KIRREL3: variants seen among roughly 807,000 people sequenced by gnomAD.
KIRREL3 encodes kirre like nephrin family adhesion molecule 3, also known as kin of IRRE-like protein 3.
Under a neutral mutation model 89.7 loss-of-function variants are expected in KIRREL3, and 36 were observed. That is an observed-to-expected ratio of 0.40 (90% CI 0.31 to 0.53). The LOEUF (loss-of-function observed/expected upper bound fraction) is 0.53, where lower values mean the gene tolerates loss of function less well. KIRREL3 is among the 20% of genes least tolerant of loss of function. The pLI is 0.49. For missense variants in KIRREL3, 864 were observed against 1,056.6 expected, an observed-to-expected ratio of 0.82 and a Z score of 2.53; for synonymous variants, 445 against 441.4, an observed-to-expected ratio of 1.01 and a Z score of -0.10.
rs972749710 is a variant in KIRREL3 at position 126,776,104 on chromosome 11, G to A, written c.56-213192C>T. 3.9e-5 allele frequency among the ~76,000 whole-genome samples: 6 copies of A among 152,174 alleles called. No homozygotes were observed. Among genetic ancestry groups the A allele is most frequent in the South Asian group, 2.1e-4 (1 of 4,830 alleles). ...GCCTGGGGATTGTGGGGTGACCTTC[G>A]CTGCAGGGGATCCCTGAGTTTCTGC... On this transcript the variant is annotated intron_variant, in intron 1 of 16. Coordinates refer to ENST00000525144, the MANE Select transcript of KIRREL3 (RefSeq NM_032531.4). This position sits in a 1 kb window ranked among gnomAD's most constrained non-coding sequence, Gnocchi z 4.7.
chr11:126,791,114 A>G lies in KIRREL3; in HGVS notation c.55+209341T>C, dbSNP rs1399106120. Among the ~76,000 whole-genome samples the G allele has an allele frequency of 6.6e-6, 1 of 152,174 alleles. No homozygotes were observed. Among genetic ancestry groups the G allele is most frequent in the Non-Finnish European group, 1.5e-5 (1 of 68,028 alleles). ...TTTTTCTACCGTTAGGACAGGAAGG[A>G]AAAACCATCTTTGGTAACAAAAGAT... On this transcript the variant is annotated intron_variant, in intron 1 of 16. Coordinates refer to ENST00000525144, the MANE Select transcript of KIRREL3 (RefSeq NM_032531.4). This position sits in a 1 kb window ranked among gnomAD's most constrained non-coding sequence, Gnocchi z 4.8.
intron 1 of KIRREL3, among the ~76,000 whole-genome samples, chr11:126,588,895 G>T (rs1941999940): frequency 6.6e-6 from 1 of 152,112 alleles, no homozygotes; most frequent in African/African-American, 2.4e-5. Flanking sequence ...TGGCGGTGGT[G>T]GGGGGACCAG....
rs1811789224 is a variant in KIRREL3, at chr11:126,931,615, A to G, written c.55+68840T>C. Among the ~76,000 whole-genome samples, 1 of 152,242 alleles carries G rather than the reference A, an allele frequency of 6.6e-6. No individual in the cohort carries two copies. Among genetic ancestry groups the G allele is most frequent in the Non-Finnish European group, 1.5e-5 (1 of 68,056 alleles). ...TGTCCAAATCTACTTTCTAGTAGCAAGTATAAGAATGAGGATTCCAAGTCC... is the reference window on the plus strand; with the variant it reads ...TGTCCAAATCTACTTTCTAGTAGCAGGTATAAGAATGAGGATTCCAAGTCC... On this transcript the variant is annotated intron_variant, in intron 1 of 16. Transcript: ENST00000525144. The surrounding 1 kb of genome is among the most constrained non-coding windows in gnomAD (Gnocchi z 5.1).
At chr11:126,503,316 G>A (rs944086436) in intron 4 of KIRREL3, among the ~76,000 whole-genome samples, 1 of 152,104 alleles carries the variant, frequency 6.6e-6, no homozygotes, top group Admixed American at 6.5e-5. Flanking sequence ...GGTGGATGTG[G>A]GCACTCGGGT....
intron 1 of KIRREL3, among the ~76,000 whole-genome samples, chr11:126,881,320 T>C (rs1945484471): frequency 6.6e-6 from 1 of 152,124 alleles, no homozygotes; most frequent in Non-Finnish European, 1.5e-5. Flanking sequence ...CCACGTTCCT[T>C]CAGATCAGTG....
rs1945926685 is a variant in KIRREL3, at chr11:126,891,631, G to A, written c.55+108824C>T. On this transcript the variant is annotated intron_variant, in intron 1 of 16. Transcript: ENST00000525144. This position sits in a 1 kb window ranked among gnomAD's most constrained non-coding sequence, Gnocchi z 5.1. ...GAAGCCAGTCTCAGGGAAGCCAGTG[G>A]CCTGACAGTTAAGGCAAATGCACAG... 6.6e-6 allele frequency among the ~76,000 whole-genome samples: 1 copy of A among 152,230 alleles called. No homozygotes were observed. The highest frequency in any genetic ancestry group is 1.5e-5 in the Non-Finnish European group (1 of 68,038).
chr11:126,950,659 C>T (rs914867210), intron 1 of KIRREL3, among the ~76,000 whole-genome samples: 1 of 152,214 alleles, frequency 6.6e-6, no homozygotes, highest in Non-Finnish European at 1.5e-5. Flanking sequence ...AATGTGGATG[C>T]CTTCACCAAC....
Position 126,954,168 on chromosome 11 carries a change from G to T in KIRREL3, c.55+46287C>A, listed in dbSNP as rs1948854783. 6.6e-6 allele frequency among the ~76,000 whole-genome samples: 1 copy of T among 151,616 alleles called. No individual in the cohort carries two copies. The highest frequency in any genetic ancestry group is 2.4e-5 in the African/African-American group (1 of 41,228). On this transcript the variant is annotated intron_variant, in intron 1 of 16. Coordinates refer to ENST00000525144, the MANE Select transcript of KIRREL3 (RefSeq NM_032531.4). This position sits in a 1 kb window ranked among gnomAD's most constrained non-coding sequence, Gnocchi z 4.1. ...TGGGGGGTGGTATTGAGGTATTGAG[G>T]TCATCACTTATAGGTAAGTACTGGA...
chr11:126,923,108 C>A (rs1947425887), intron 1 of KIRREL3, among the ~76,000 whole-genome samples: 1 of 68,720 alleles, frequency 1.5e-5, no homozygotes, highest in Non-Finnish European at 2.9e-5. Context: ...TCTTCTCCTT[C>A]TCCTTCTCCT....
rs1950057895 is a variant in KIRREL3, at chr11:126,772,795, C to T, written c.56-209883G>A. 6.6e-6 allele frequency among the ~76,000 whole-genome samples: 1 copy of T among 152,182 alleles called. No individual in the cohort carries two copies. ...TTCCTCCTGCCCTGAGGAGTTTCTT[C>T]CTCTGATTCCTTGGTTTTGAGCCTT... On this transcript the variant is annotated intron_variant, in intron 1 of 16. Transcript: ENST00000525144. The surrounding 1 kb of genome is among the most constrained non-coding windows in gnomAD (Gnocchi z 4.6).
chr11:126,692,176 T>G (rs1946901598), intron 1 of KIRREL3, among the ~76,000 whole-genome samples: 1 of 152,064 alleles, frequency 6.6e-6, no homozygotes, highest in Admixed American at 6.5e-5. Context: ...TGAGTAGACA[T>G]CCAGAAACAT....
At chr11:126,863,412 TGTGTGA>T (rs749978542) in intron 1 of KIRREL3, among the ~76,000 whole-genome samples, 26,878 of 69,198 alleles carry the variant, frequency 0.39, 3,623 homozygotes, top group East Asian at 0.63. Context: ...CGTGAGTGCG[TGTGTGA>T]GCGCATGTGT....
In KIRREL3 at chr11:126,521,427, T is replaced by G; in HGVS notation, c.321A>C (p.Ser107=). 1 of 1,578,820 alleles carries G rather than the reference T, an allele frequency of 6.3e-7. No homozygotes were observed. Among genetic ancestry groups the G allele is most frequent in the Non-Finnish European group, 8.6e-7 (1 of 1,162,126 alleles). ...PQYLVVGNHL[S]GEHHLKILRA... ...TCAGGATCTTCAGGTGGTGCTCCCC[T>G]GACAGGTGGTTCCCTACCACCAGGT... The change falls in exon 4 of 17, where the codon TCA becomes TCC. Residue 107 remains serine, a synonymous_variant. Coordinates refer to ENST00000525144, the MANE Select transcript of KIRREL3 (RefSeq NM_032531.4). The surrounding 1 kb of genome is among the most constrained non-coding windows in gnomAD (Gnocchi z 4.1).
chr11:126,857,385 G>A (rs1019946343), intron 1 of KIRREL3, among the ~76,000 whole-genome samples: 3 of 152,246 alleles, frequency 2.0e-5, no homozygotes, highest in African/African-American at 7.2e-5. Flanking sequence ...GCCAATGATT[G>A]CTGTGGGAGG....
intron 1 of KIRREL3, among the ~76,000 whole-genome samples, chr11:126,746,861 C>A (rs964635732): frequency 2.0e-5 from 3 of 152,202 alleles, no homozygotes; most frequent in African/African-American, 7.2e-5. Flanking sequence ...TCACATCCTG[C>A]AGTCCCTCCC....
intron 4 of KIRREL3, among the ~76,000 whole-genome samples, chr11:126,483,651 C>G (rs77778204): frequency 0.036 from 5,459 of 152,346 alleles, 118 homozygotes; most frequent in Non-Finnish European, 0.053. Flanking sequence ...AATTCCTCAT[C>G]ATGGGGGCCT....
In KIRREL3 at chr11:126,755,618, T is replaced by G. The variant is rs1201500842; in HGVS notation, c.56-192706A>C. On this transcript the variant is annotated intron_variant, in intron 1 of 16. Transcript: ENST00000525144. The surrounding 1 kb of genome is among the most constrained non-coding windows in gnomAD (Gnocchi z 4.3). The stretch of plus-strand genomic sequence containing the variant: ...ATAGGAAAGGTCTGCGTGCTGACAC[T>G]CTCAACTTCCCTGAGTGCCTGTACA... Among the ~76,000 whole-genome samples the G allele has an allele frequency of 6.6e-6, 1 of 152,008 alleles. No individual in the cohort carries two copies. The highest frequency in any genetic ancestry group is 1.5e-5 in the Non-Finnish European group (1 of 68,012).
At chr11:126,947,497 G>T (rs1191920901) in intron 1 of KIRREL3, among the ~76,000 whole-genome samples, 2 of 152,154 alleles carry the variant, frequency 1.3e-5, no homozygotes, top group Non-Finnish European at 2.9e-5. Flanking sequence ...TTAGAAACTG[G>T]ACAGCCCCTT....
intron 1 of KIRREL3, among the ~76,000 whole-genome samples, chr11:126,604,154 T>C (rs183568435): frequency 2.7e-3 from 414 of 152,326 alleles, no homozygotes; most frequent in Middle Eastern, 6.8e-3. Flanking sequence ...AAATCAAAGA[T>C]GAATAAGCAA....
Sources: allele counts gnomAD v4.1 joint callset (sites outside exome capture counted in the v4.1 genomes callset), GRCh38; gene constraint gnomAD v4.1.1; non-coding constraint Gnocchi (gnomAD v3.1); transcripts MANE v1.5; gene names NCBI Gene and HGNC (gene_info 2026-07-23, HGNC 2026-07-21).